Variants in PPARA observed in about 807,000 individuals in gnomAD.
PPARA encodes the protein peroxisome proliferator activated receptor alpha, also known as peroxisome proliferator-activated receptor alpha.
Under a neutral mutation model 42.2 loss-of-function variants are expected in PPARA, and 22 were observed. The ratio of observed to expected loss-of-function variants is 0.52; its 90% CI spans 0.37 to 0.74. The LOEUF is 0.74. Among genes scored for constraint, PPARA ranks in the 30% least tolerant of loss-of-function variants. PPARA has a pLI of 0.00. For synonymous variants in PPARA, 242 were observed against 239.3 expected (o/e 1.01, Z -0.10); for missense variants, 465 against 608.2 (o/e 0.76, Z 2.48).
At chr22:46,185,075 G>C (rs1930479807) in intron 3 of PPARA, among the ~76,000 whole-genome samples, 1 of 152,102 alleles carries the variant, frequency 6.6e-6, no homozygotes, top group Non-Finnish European at 1.5e-5. Context: ...TGAACGTACT[G>C]GTTGGTGGTT....
chr22:46,189,318 C>T (rs900310080), intron 3 of PPARA, among the ~76,000 whole-genome samples: 3 of 152,252 alleles, frequency 2.0e-5, no homozygotes, highest in Non-Finnish European at 2.9e-5. Context: ...GTGTAAAGTC[C>T]GTAGGGAGTT....
intron 4 of PPARA, among the ~76,000 whole-genome samples, chr22:46,206,665 A>G (rs916113727): frequency 6.6e-6 from 1 of 152,168 alleles, no homozygotes; most frequent in Non-Finnish European, 1.5e-5. Context: ...CTACATTATA[A>G]ATATTACAAT....
At chr22:46,175,266 G>T (rs562776875) in intron 2 of PPARA, among the ~76,000 whole-genome samples, 1 of 152,234 alleles carries the variant, frequency 6.6e-6, no homozygotes, top group Admixed American at 6.5e-5. Context: ...TCACAGTCAG[G>T]ATACTGACAT....
rs1267612801 is a variant in PPARA, at chr22:46,227,762, AT to A, written c.712-4027del. 6.6e-6 allele frequency among the ~76,000 whole-genome samples: 1 copy of A among 152,200 alleles called. No homozygotes were observed. Among genetic ancestry groups the A allele is most frequent in the Non-Finnish European group, 1.5e-5 (1 of 68,036 alleles). ...AAACCTTTATAATGTGCTTTATTTC[AT>A]TTATTTGAAATGACTGCCTGTCGTG... is the stretch of plus-strand genomic sequence containing the variant. On this transcript the variant is annotated intron_variant, in intron 7 of 8. Coordinates refer to ENST00000407236, the MANE Select transcript of PPARA (RefSeq NM_005036.6). The surrounding 1 kb of genome is among the most constrained non-coding windows in gnomAD (Gnocchi z 4.3).
At chr22:46,228,919 A>G (rs1186850951) in intron 7 of PPARA, among the ~76,000 whole-genome samples, 1 of 151,874 alleles carries the variant, frequency 6.6e-6, no homozygotes, top group East Asian at 1.9e-4. Context: ...CCTGGCTAAC[A>G]CGGTGAAACC....
chr22:46,213,963 C>G (rs1934196324), intron 4 of PPARA, among the ~76,000 whole-genome samples: 1 of 152,188 alleles, frequency 6.6e-6, no homozygotes, highest in Admixed American at 6.5e-5. Context: ...ATATTTTCTC[C>G]CAGTCTGTGG....
rs1204488170 is a variant in PPARA at position 46,204,021 on chromosome 22, G to T, written c.208+5430G>T. On this transcript the variant is annotated intron_variant, in intron 4 of 8. Coordinates refer to ENST00000407236, the MANE Select transcript of PPARA (RefSeq NM_005036.6). This position sits in a 1 kb window ranked among gnomAD's most constrained non-coding sequence, Gnocchi z 5.2. ...TCTTTCCCCAGCCCCGTGCCTCCCT[G>T]CCTCCCTCCCCCAGTAAACCATGAA... is the stretch of plus-strand genomic sequence containing the variant. Among the ~76,000 whole-genome samples, 1 of 152,110 alleles carries T rather than the reference G, an allele frequency of 6.6e-6. No homozygotes were observed. The highest frequency in any genetic ancestry group is 1.5e-5 in the Non-Finnish European group (1 of 68,024).
Position 46,183,665 on chromosome 22 carries a change from C to G in PPARA, c.-43+6829C>G, listed in dbSNP as rs1255825953. Among the ~76,000 whole-genome samples, 1 of 152,154 alleles carries G rather than the reference C, an allele frequency of 6.6e-6. No individual in the cohort carries two copies. The highest frequency in any genetic ancestry group is 1.5e-5 in the Non-Finnish European group (1 of 68,024). The stretch of plus-strand genomic sequence containing the variant: ...GCTGAGGTGGGAGGATCACTTGAGC[C>G]TGGGAGGTCGATATTGCAGTGAGCT... On this transcript the variant is annotated intron_variant, in intron 3 of 8. Transcript: ENST00000407236. This position sits in a 1 kb window ranked among gnomAD's most constrained non-coding sequence, Gnocchi z 5.5.
rs926763105 is a variant in PPARA at position 46,210,207 on chromosome 22, G to T, written c.209-4966G>T. On this transcript the variant is annotated intron_variant, in intron 4 of 8. Coordinates refer to ENST00000407236, the MANE Select transcript of PPARA (RefSeq NM_005036.6). ...GCCTGTAATCCCAGCTACTTGGGAG[G>T]CTGAGGCAGGAGAATTGCTTGAACC... Among the ~76,000 whole-genome samples the T allele has an allele frequency of 9.3e-5, 14 of 151,308 alleles. No homozygotes were observed. The East Asian group carries it at 2.8e-3, about 30-fold the overall frequency.
At position 46,179,122 on chromosome 22, in the gene PPARA, GC is replaced by G. The variant is rs547601419; in HGVS notation, c.-43+2290del. Among the ~76,000 whole-genome samples the G allele has an allele frequency of 1.8e-4, 27 of 152,224 alleles. No individual in the cohort carries two copies. In the East Asian group the frequency reaches 4.6e-3, roughly 26 times the overall value. ...TAAAGTCACCAGTCCTATCATGGGGGCCCCACCCTGATGATCTTATAATCCT... is the reference window on the plus strand; with the variant it reads ...TAAAGTCACCAGTCCTATCATGGGGGCCCACCCTGATGATCTTATAATCCT... On this transcript the variant is annotated intron_variant, in intron 3 of 8. Coordinates refer to ENST00000407236, the MANE Select transcript of PPARA (RefSeq NM_005036.6).
chr22:46,186,031 C>T (rs1930756800), intron 3 of PPARA, among the ~76,000 whole-genome samples: 1 of 129,660 alleles, frequency 7.7e-6, no homozygotes, highest in South Asian at 2.8e-4. Flanking sequence ...TTGGTTGGTT[C>T]CTCTTGGTCT....
rs1279660668 is a variant in PPARA at position 46,240,025 on chromosome 22, C to A, written c.*4645C>A. 7.6e-6 allele frequency: 3 copies of A among 397,254 alleles called. No individual in the cohort carries two copies. In the Admixed American group the frequency reaches 1.3e-4, roughly 17 times the overall value. The allele number at this position is 397,254 out of a possible 1,614,324, so 24.6% of individuals were successfully genotyped here. A position where few individuals can be genotyped will look rare whatever the true frequency, so the allele number is the denominator to read the frequency against. ...TTGCTTCAACACAGCAAGCCCAATG[C>A]ACCCAGCTAAGACTGGCTTGACCGA... On this transcript the variant is annotated 3_prime_UTR_variant, in exon 9 of 9. Coordinates refer to ENST00000407236, the MANE Select transcript of PPARA (RefSeq NM_005036.6). This position sits in a 1 kb window ranked among gnomAD's most constrained non-coding sequence, Gnocchi z 6.0.
At chr22:46,168,122 G>A (rs1301092259) in intron 2 of PPARA, among the ~76,000 whole-genome samples, 5 of 151,742 alleles carry the variant, frequency 3.3e-5, no homozygotes, top group Non-Finnish European at 7.4e-5. Flanking sequence ...GGAGGCTGAA[G>A]CAGGTGGATC....
intron 3 of PPARA, among the ~76,000 whole-genome samples, chr22:46,178,340 A>T (rs1929468347): frequency 6.6e-6 from 1 of 152,184 alleles, no homozygotes; most frequent in Non-Finnish European, 1.5e-5. Context: ...TTACCTTCTC[A>T]TCTGAGATAA....
chr22:46,235,531 C>A lies in PPARA; in HGVS notation c.*151C>A. The A allele has an allele frequency of 9.6e-7, 1 of 1,039,432 alleles. No homozygotes were observed. The highest frequency in any genetic ancestry group is 1.4e-6 in the Non-Finnish European group (1 of 707,850). The allele number at this position is 1,039,432 out of a possible 1,614,324, so 64.4% of individuals were successfully genotyped here. A position where few individuals can be genotyped will look rare whatever the true frequency, so the allele number is the denominator to read the frequency against. On this transcript the variant is annotated 3_prime_UTR_variant, in exon 9 of 9. Coordinates refer to ENST00000407236, the MANE Select transcript of PPARA (RefSeq NM_005036.6). This position sits in a 1 kb window ranked among gnomAD's most constrained non-coding sequence, Gnocchi z 7.0. ...AGCTGTAGGTAACCGGCATATTATT[C>A]CATATCTTTGTTTTAACCAGTACTT...
chr22:46,164,290 T>C (rs1926698219), intron 2 of PPARA: 1 of 151,916 alleles, frequency 6.6e-6, no homozygotes, highest in Non-Finnish European at 1.5e-5. Context: ...TTCACTCTTG[T>C]TGCCCAGGCT....
intron 7 of PPARA, among the ~76,000 whole-genome samples, chr22:46,228,611 T>G (rs1935640580): frequency 6.6e-6 from 1 of 152,306 alleles, no homozygotes; most frequent in South Asian, 2.1e-4. Flanking sequence ...AGGCCTGCAT[T>G]TGTCCTGGGA....
At chr22:46,185,675 A>G (rs976317462) in intron 3 of PPARA, among the ~76,000 whole-genome samples, 7 of 151,238 alleles carry the variant, frequency 4.6e-5, no homozygotes, top group African/African-American at 9.7e-5. Context: ...CAGGTGGATC[A>G]CCTGAGGTCA....
At chr22:46,158,338 C>T (rs748627426) in intron 2 of PPARA, among the ~76,000 whole-genome samples, 4 of 152,030 alleles carry the variant, frequency 2.6e-5, no homozygotes, top group Admixed American at 1.3e-4. Flanking sequence ...ACCCAGGAGT[C>T]GGAGGTTGCA....
Sources: gnomAD v4.1 joint callset for allele counts (sites outside exome capture counted in the v4.1 genomes callset) on GRCh38, gnomAD v4.1.1 for gene constraint, Gnocchi (gnomAD v3.1) non-coding constraint, MANE v1.5 for transcripts, NCBI Gene and HGNC (gene_info 2026-07-23, HGNC 2026-07-21) for gene names.